NAALAD2: variants seen among roughly 807,000 people sequenced by gnomAD.
The protein encoded by NAALAD2 is N-acetylated-alpha-linked acidic dipeptidase 2.
A neutral mutation model predicts 95.6 loss-of-function variants in NAALAD2; 89 were observed. The ratio of observed to expected loss-of-function variants is 0.93; its 90% confidence interval spans 0.78 to 1.11. The LOEUF (loss-of-function observed/expected upper bound fraction) is 1.11, where lower values mean the gene tolerates loss of function less well. Among genes scored for constraint, NAALAD2 ranks in the 50% least tolerant of loss-of-function variants. NAALAD2 has a pLI of 0.00. For missense variants in NAALAD2, 894 were observed against 872.4 expected (o/e 1.02, Z -0.31); for synonymous variants, 264 against 294.4 (o/e 0.90, Z 1.06).
rs552568960 is a variant in NAALAD2, at chr11:90,142,975, C to T, written c.195-4355C>T. 2.0e-5 allele frequency among the ~76,000 whole-genome samples: 3 copies of T among 152,042 alleles called. No homozygotes were observed. The South Asian group carries it at 6.2e-4, about 32-fold the overall frequency. Reference sequence around the variant, plus strand: ...TCACTTAATACAAAATGGAGAAACTCACATTTCTTTATGTCCATTTACTCT... The same window carrying T: ...TCACTTAATACAAAATGGAGAAACTTACATTTCTTTATGTCCATTTACTCT... On this transcript the variant is annotated intron_variant, in intron 2 of 18. Transcript: ENST00000534061.
chr11:90,168,793 G>T, intron 11 of NAALAD2, 136 bp from the exon 12 acceptor site: 2 of 652,498 alleles, frequency 3.1e-6, no homozygotes, highest in Non-Finnish European at 5.4e-6. Context: ...CAGAAATTAG[G>T]GTCACAGATG....
chr11:90,163,251 A>T (rs1304965711), intron 9 of NAALAD2, 59 bp from the exon 10 acceptor site: 19 of 1,525,692 alleles, frequency 1.2e-5, no homozygotes, highest in Non-Finnish European at 1.5e-5. Context: ...AAAAACATAA[A>T]TTACAAATAT....
chr11:90,191,293 C>T (rs985746719), intron 18 of NAALAD2, among the ~76,000 whole-genome samples: 4 of 149,268 alleles, frequency 2.7e-5, no homozygotes, highest in African/African-American at 1.0e-4. Flanking sequence ...AATTATTCTG[C>T]ACAACTTAAA....
intron 13 of NAALAD2, among the ~76,000 whole-genome samples, chr11:90,170,618 A>G (rs1387145861): frequency 6.6e-6 from 1 of 152,236 alleles, no homozygotes; most frequent in Non-Finnish European, 1.5e-5. Context: ...ATGAGGAATT[A>G]GAATTCACTA....
chr11:90,133,934 G>A (rs1951395490), upstream of NAALAD2, among the ~76,000 whole-genome samples: 1 of 152,136 alleles, frequency 6.6e-6, no homozygotes, highest in South Asian at 2.1e-4. Flanking sequence ...AGAGACAAAG[G>A]ATTGAGAGAG....
intron 18 of NAALAD2, among the ~76,000 whole-genome samples, chr11:90,187,154 T>TTAAAAAGTCAGGAAACAACAGG (rs1857171599): frequency 6.6e-6 from 1 of 151,228 alleles, no homozygotes; most frequent in Admixed American, 6.6e-5. Context: ...ATGGCAATCA[T>TTAAAAAGTCAGGAAACAACAGG]TAAAAAGTCA....
intron 18 of NAALAD2, among the ~76,000 whole-genome samples, chr11:90,189,506 C>T (rs1394690584): frequency 6.6e-5 from 10 of 152,144 alleles, no homozygotes; most frequent in African/African-American, 9.7e-5. Context: ...TGGTGGCTCA[C>T]GCCTGTAATC....
At chr11:90,155,497 T>G (rs1244968677) in intron 6 of NAALAD2, among the ~76,000 whole-genome samples, 1 of 111,796 alleles carries the variant, frequency 8.9e-6, no homozygotes, top group South Asian at 2.5e-4. Context: ...ATATAATATA[T>G]TATATATAAT....
Position 90,149,019 on chromosome 11 carries a change from C to G in NAALAD2, c.395C>G (p.Ser132Ter). Residue 132 changes from serine to a stop codon, truncating the protein, a stop_gained, in exon 4 of 19, where the codon TCA becomes TGA. Coordinates refer to ENST00000534061, the MANE Select transcript of NAALAD2 (RefSeq NM_005467.4). LOFTEE classifies it high-confidence loss of function. ...AATTCTTGCTAGATTTTCAAAACATCATACCTTGAACCACCACCAGATGGC... is the reference window on the plus strand; with the variant it reads ...AATTCTTGCTAGATTTTCAAAACATGATACCTTGAACCACCACCAGATGGC... ...DEHETEIFKT[S>*]YLEPPPDGYE... The G allele has an allele frequency of 1.3e-6, 2 of 1,596,024 alleles. No homozygotes were observed. The highest frequency in any genetic ancestry group is 1.7e-6 in the Non-Finnish European group (2 of 1,170,392).
rs539150091 is a variant in NAALAD2 at position 90,148,353 on chromosome 11, G to A, written c.382-653G>A. Among the ~76,000 whole-genome samples the A allele has an allele frequency of 2.9e-3, 445 of 152,282 alleles. 1 individual carries two copies. The highest frequency in any genetic ancestry group is 3.9e-3 in the Non-Finnish European group (263 of 68,018). ...GGACTTGATTAGTGATTGACTTGGG[G>A]AAGGAGGGGAAGATAGAGTTCAGGA... On this transcript the variant is annotated intron_variant, in intron 3 of 18. Coordinates refer to ENST00000534061, the MANE Select transcript of NAALAD2 (RefSeq NM_005467.4).
intron 8 of NAALAD2, 146 bp downstream of exon 8, chr11:90,159,483 C>G (rs1253724825): frequency 7.0e-6 from 4 of 569,336 alleles, no homozygotes; most frequent in Non-Finnish European, 1.2e-5. Flanking sequence ...AGTACTTACA[C>G]ATGAAATATT....
chr11:90,136,699 A>C (rs1298613117), intron 2 of NAALAD2, among the ~76,000 whole-genome samples: 1 of 152,160 alleles, frequency 6.6e-6, no homozygotes, highest in African/African-American at 2.4e-5. Flanking sequence ...TGGGTTGATT[A>C]TAGTTTTTGA....
chr11:90,184,508 G>C (rs1857064801), intron 18 of NAALAD2, among the ~76,000 whole-genome samples: 1 of 152,020 alleles, frequency 6.6e-6, no homozygotes, highest in Non-Finnish European at 1.5e-5. Context: ...TTATTTATAT[G>C]GATCAAACAA....
At chr11:90,177,466 C>G (rs1952827244) in intron 15 of NAALAD2, among the ~76,000 whole-genome samples, 1 of 150,720 alleles carries the variant, frequency 6.6e-6, no homozygotes, top group Admixed American at 6.6e-5. Context: ...AATTATAAAA[C>G]AAATAATGAG....
At position 90,166,850 on chromosome 11, in the gene NAALAD2, A is replaced by G. The variant is rs1428338309; in HGVS notation, c.1279-2079A>G. ...ATTCTGTCTCCAAAAAAAAAAAAAA[A>G]AAGAAAATGCAGATTTCCACCCGGC... is the stretch of plus-strand genomic sequence containing the variant. On this transcript the variant is annotated intron_variant, in intron 11 of 18. Transcript: ENST00000534061. 5.8e-5 allele frequency among the ~76,000 whole-genome samples: 3 copies of G among 51,798 alleles called. 1 individual carries two copies. The highest frequency in any genetic ancestry group is 3.0e-4 in the African/African-American group (3 of 9,996). The allele number at this position is 51,798 out of a possible 152,430, so 34.0% of individuals were successfully genotyped here. A position where few individuals can be genotyped will look rare whatever the true frequency, so the allele number is the denominator to read the frequency against.
Position 90,135,574 on chromosome 11 carries a change from C to T in NAALAD2, c.98C>T (p.Pro33Leu), listed in dbSNP as rs1276773293. The T allele has an allele frequency of 6.2e-7, 1 of 1,609,354 alleles. No homozygotes were observed. Among genetic ancestry groups the T allele is most frequent in the Admixed American group, 1.7e-5 (1 of 59,532 alleles). The change falls in exon 2 of 19, where the codon CCT becomes CTT. Residue 33 changes from proline (P) to leucine (L), a missense_variant. Transcript: ENST00000534061. ...MGFMVGWFIK[P>L]LKETTTSVRY... ...TTTTCCTTAGGCTGGTTTATTAAGC[C>T]TCTCAAAGAAACGACCACTTCTGTG...
At chr11:90,146,343 A>ATTTTTTTTTTTTTT (rs71477596) in intron 2 of NAALAD2, among the ~76,000 whole-genome samples, 8 of 47,956 alleles carry the variant, frequency 1.7e-4, no homozygotes, top group Non-Finnish European at 2.9e-4. Context: ...GGGGAGTTTA[A>ATTTTTTTTTTTTTT]TTTTTTTTTT....
At chr11:90,146,445 G>A (rs1311162613) in intron 2 of NAALAD2, among the ~76,000 whole-genome samples, 1 of 121,764 alleles carries the variant, frequency 8.2e-6, no homozygotes, top group South Asian at 2.9e-4. Context: ...TGCAACCTCC[G>A]CCTCCCAGAT....
chr11:90,169,923 C>T, intron 12 of NAALAD2, 146 bp from the exon 13 acceptor site: 1 of 616,836 alleles, frequency 1.6e-6, no homozygotes, highest in Non-Finnish European at 2.9e-6. Flanking sequence ...AGAACTATTT[C>T]CACCCTGTTT....
Sources: allele counts gnomAD v4.1 joint callset (sites outside exome capture counted in the v4.1 genomes callset), GRCh38; gene constraint gnomAD v4.1.1; transcripts MANE v1.5; gene names NCBI Gene and HGNC (gene_info 2026-07-23, HGNC 2026-07-21).